The following ENPP3 variants were observed in gnomAD, a reference collection of about 807,000 sequenced individuals.
ENPP3 encodes the protein ectonucleotide pyrophosphatase/phosphodiesterase family member 3.
In ENPP3, 104 loss-of-function variants were observed where a neutral mutation model predicts 117.8. The ratio of observed to expected loss-of-function variants is 0.88; its 90% CI spans 0.75 to 1.04. The LOEUF (loss-of-function observed/expected upper bound fraction) is 1.04, where lower values mean the gene tolerates loss of function less well. ENPP3 is among the 50% of genes least tolerant of loss of function. The probability of loss-of-function intolerance (pLI) is 0.00; values close to 1 mark genes in which losing one functional copy is unlikely to be tolerated. For missense variants in ENPP3, 1,026 were observed against 1,051.9 expected (o/e 0.98, Z 0.34); for synonymous variants, 380 against 349.9 (o/e 1.09, Z -0.96).
At chr6:131,738,567 A>G (rs546089389) in intron 23 of ENPP3, among the ~76,000 whole-genome samples, 1 of 150,926 alleles carries the variant, frequency 6.6e-6, no homozygotes, top group Non-Finnish European at 1.5e-5. Context: ...TCAAGTAAAG[A>G]CTAAGGTAAA....
At chr6:131,708,425 T>C (rs1428402357) in intron 15 of ENPP3, among the ~76,000 whole-genome samples, 1 of 152,220 alleles carries the variant, frequency 6.6e-6, no homozygotes, top group East Asian at 1.9e-4. Context: ...AAAATGGAAA[T>C]GATTTACTCA....
intron 16 of ENPP3, 123 bp downstream of exon 16, chr6:131,718,861 C>T: frequency 1.8e-6 from 1 of 549,396 alleles, no homozygotes; most frequent in Non-Finnish European, 3.2e-6. Flanking sequence ...TATTTCATTA[C>T]TCAGATGTTA....
At chr6:131,686,214 C>T (rs1779150118) in intron 14 of ENPP3, among the ~76,000 whole-genome samples, 1 of 152,136 alleles carries the variant, frequency 6.6e-6, no homozygotes, top group Non-Finnish European at 1.5e-5. Flanking sequence ...TCGTCTTTCT[C>T]ATTTTTTGTG....
At chr6:131,655,106 A>C (rs1778358035) in intron 5 of ENPP3, among the ~76,000 whole-genome samples, 1 of 152,230 alleles carries the variant, frequency 6.6e-6, no homozygotes, top group Admixed American at 6.5e-5. Flanking sequence ...GTACTCAAGA[A>C]ATCGTTAATA....
rs780029112 is a variant in ENPP3 at position 131,723,825 on chromosome 6, T to TCACACACACACACA, written c.1747-214_1747-213insACACACACACACAC. Among the ~76,000 whole-genome samples, 72 of 140,898 alleles carry TCACACACACACACA rather than the reference T, an allele frequency of 5.1e-4. 1 individual carries two copies. Among genetic ancestry groups the TCACACACACACACA allele is most frequent in the African/African-American group, 2.0e-3 (67 of 33,762 alleles). The allele number at this position is 140,898 out of a possible 152,430, so 92.4% of individuals were successfully genotyped here. A position where few individuals can be genotyped will look rare whatever the true frequency, so the allele number is the denominator to read the frequency against. On this transcript the variant is annotated intron_variant, in intron 18 of 24. Transcript: ENST00000357639. The stretch of plus-strand genomic sequence containing the variant: ...AATTCTCTCTCTCTCTCTCTCTCTC[T>TCACACACACACACA]CTCACACACACACACACACACACAC...
At position 131,654,516 on chromosome 6, in the gene ENPP3, C is replaced by T. The variant is rs557587807; in HGVS notation, c.464+1625C>T. On this transcript the variant is annotated intron_variant, in intron 5 of 24. Coordinates refer to ENST00000357639, the MANE Select transcript of ENPP3 (RefSeq NM_005021.5). ...GGAGTGCAGTGGCGTGATCATGACT[C>T]ATAGCAGCTGCTACCTCCTAGCCTC... Among the ~76,000 whole-genome samples, 3 of 151,924 alleles carry T rather than the reference C, an allele frequency of 2.0e-5. No individual in the cohort carries two copies. The East Asian group carries it at 5.8e-4, about 30-fold the overall frequency.
rs140031903 is a variant in ENPP3 at position 131,676,904 on chromosome 6, G to A, written c.938+103G>A. 330 of 737,434 alleles carry A rather than the reference G, an allele frequency of 4.5e-4. 1 individual carries two copies. Among genetic ancestry groups the A allele is most frequent in the African/African-American group, 4.2e-3 (231 of 55,388 alleles). The allele number at this position is 737,434 out of a possible 1,614,324, so 45.7% of individuals were successfully genotyped here. ...TAAATTACAATTTTTGGCTATTTTCGAAACGACGTGGCATTGCCTTATAAT... is the reference window on the plus strand; with the variant it reads ...TAAATTACAATTTTTGGCTATTTTCAAAACGACGTGGCATTGCCTTATAAT... On this transcript the variant is annotated intron_variant, in intron 10 of 24. Coordinates refer to ENST00000357639, the MANE Select transcript of ENPP3 (RefSeq NM_005021.5).
At chr6:131,655,253 C>A (rs534820246) in intron 5 of ENPP3, among the ~76,000 whole-genome samples, 75 of 152,308 alleles carry the variant, frequency 4.9e-4, no homozygotes, top group African/African-American at 1.6e-3. Flanking sequence ...CATACTAATA[C>A]CAGCTAACAT....
chr6:131,643,307 C>A (rs1269512030), intron 2 of ENPP3, among the ~76,000 whole-genome samples: 2 of 152,174 alleles, frequency 1.3e-5, no homozygotes, highest in African/African-American at 2.4e-5. Context: ...CTATTTTACC[C>A]CCTAAATCAC....
At chr6:131,665,950 C>G (rs928479251) in intron 6 of ENPP3, among the ~76,000 whole-genome samples, 1 of 151,992 alleles carries the variant, frequency 6.6e-6, no homozygotes, top group African/African-American at 2.4e-5. Flanking sequence ...CCTTTGATTT[C>G]TTCTTTGACC....
intron 10 of ENPP3, among the ~76,000 whole-genome samples, chr6:131,677,167 T>A (rs1214652067): frequency 6.6e-6 from 1 of 152,106 alleles, no homozygotes; most frequent in Non-Finnish European, 1.5e-5. Context: ...GCCCAGAAGT[T>A]TGAGGCTGCA....
At chr6:131,718,842 C>A in intron 16 of ENPP3, 104 bp downstream of exon 16, 1 of 622,068 alleles carries the variant, frequency 1.6e-6, no homozygotes, top group Admixed American at 2.8e-5. Context: ...GGGGGTTTGT[C>A]ATACAGATTA....
chr6:131,711,253 C>A (rs1395620299), intron 15 of ENPP3, among the ~76,000 whole-genome samples: 2 of 152,060 alleles, frequency 1.3e-5, no homozygotes, highest in Non-Finnish European at 2.9e-5. Flanking sequence ...CCTGAGGCAG[C>A]GCTGGTCTGA....
In ENPP3 at chr6:131,683,065, C is replaced by G; in HGVS notation, c.1023C>G (p.Ala341=). The change falls in exon 12 of 25, where the codon GCC becomes GCG. Residue 341 remains alanine (A), a synonymous_variant. Transcript: ENST00000357639. The part of the protein sequence containing the change: ...GGPVSARVIK[A]LQVVDHAFGM... Reference sequence around the variant, plus strand: ...AAATTATTTTTCAGGTAATTAAAGCCTTACAGGTAGTAGATCATGCTTTTG... The same window carrying G: ...AAATTATTTTTCAGGTAATTAAAGCGTTACAGGTAGTAGATCATGCTTTTG... 2 of 1,603,126 alleles carry G rather than the reference C, an allele frequency of 1.2e-6. No homozygotes were observed.
chr6:131,669,931 A>T (rs532159012), intron 6 of ENPP3, among the ~76,000 whole-genome samples: 2 of 152,326 alleles, frequency 1.3e-5, no homozygotes, highest in South Asian at 4.1e-4. Context: ...TGACTTAAAG[A>T]GAATTGATAA....
intron 20 of ENPP3, 70 bp from the exon 21 acceptor site, chr6:131,733,518 G>T: frequency 1.3e-6 from 2 of 1,515,340 alleles, no homozygotes; most frequent in South Asian, 2.5e-5. Flanking sequence ...CTAGGGAAGT[G>T]ACAAACCATA....
chr6:131,746,032 T>G (rs566617624), intron 24 of ENPP3, among the ~76,000 whole-genome samples: 1 of 150,734 alleles, frequency 6.6e-6, no homozygotes, highest in Non-Finnish European at 1.5e-5. Context: ...GAGGCTGGAG[T>G]GCAGTGAGCC....
chr6:131,663,123 C>T (rs1462277354), intron 6 of ENPP3, among the ~76,000 whole-genome samples: 2 of 149,984 alleles, frequency 1.3e-5, no homozygotes, highest in Non-Finnish European at 3.0e-5. Context: ...AAAATAGGGA[C>T]AGGTTTACTT....
At chr6:131,639,144 A>G (rs983419556) in intron 1 of ENPP3, among the ~76,000 whole-genome samples, 1 of 152,010 alleles carries the variant, frequency 6.6e-6, no homozygotes, top group Admixed American at 6.6e-5. Flanking sequence ...CAATGTGTGT[A>G]AGTATTAAGC....
Sources: gnomAD v4.1 joint callset for allele counts (sites outside exome capture counted in the v4.1 genomes callset) on GRCh38, gnomAD v4.1.1 for gene constraint, MANE v1.5 for transcripts, NCBI Gene and HGNC (gene_info 2026-07-23, HGNC 2026-07-21) for gene names.